Variants in CSMD1 observed in about 807,000 individuals in gnomAD.
The protein encoded by CSMD1 is CUB and Sushi multiple domains 1, also known as CUB and sushi domain-containing protein 1.
In CSMD1, 213 loss-of-function variants were observed where a neutral mutation model predicts 417.5. The ratio of observed to expected loss-of-function variants is 0.51; its 90% CI spans 0.46 to 0.57. CSMD1 has a LOEUF of 0.57. Ranked by LOEUF, CSMD1 falls within the 20% of genes least tolerant of loss-of-function variation. CSMD1 has a pLI of 0.00. For missense variants in CSMD1, 6,923 were observed against 4,529.7 expected, an observed-to-expected ratio of 1.53 and a Z score of -15.17; for synonymous variants, 2,862 against 1,736.8, an observed-to-expected ratio of 1.65 and a Z score of -16.11.
chr8:3,587,238 T>A (rs1351899469), intron 8 of CSMD1, among the ~76,000 whole-genome samples: 1 of 152,224 alleles, frequency 6.6e-6, no homozygotes, highest in Admixed American at 6.5e-5. Context: ...ACTGGACAGC[T>A]GCATTCAAAA....
At chr8:3,147,591 T>C (rs907693164) in intron 40 of CSMD1, among the ~76,000 whole-genome samples, 5 of 152,320 alleles carry the variant, frequency 3.3e-5, no homozygotes, top group Admixed American at 6.5e-5. Flanking sequence ...ACAACCGCCA[T>C]TGAGGCTTCC....
chr8:3,990,756 C>T (rs1333019306), intron 5 of CSMD1, among the ~76,000 whole-genome samples: 1 of 152,140 alleles, frequency 6.6e-6, no homozygotes, highest in East Asian at 1.9e-4. Context: ...GCAGGGGCAC[C>T]TGCTGGTGAG....
At position 4,707,628 on chromosome 8, in the gene CSMD1, T is replaced by G. The variant is rs573582006; in HGVS notation, c.86-70070A>C. ...AGAGCCAGCCATGATGGCTCACTCC[T>G]GTAATCCCAGCACTTTGGGAGGCCG... On this transcript the variant is annotated intron_variant, in intron 1 of 69. Transcript: ENST00000635120. Among the ~76,000 whole-genome samples, 359 of 152,146 alleles carry G rather than the reference T, an allele frequency of 2.4e-3. 2 individuals are homozygous for G. Among genetic ancestry groups the G allele is most frequent in the African/African-American group, 7.8e-3 (322 of 41,514 alleles).
chr8:4,443,412 C>A (rs974397591), intron 2 of CSMD1, among the ~76,000 whole-genome samples: 1 of 152,146 alleles, frequency 6.6e-6, no homozygotes, highest in Non-Finnish European at 1.5e-5. Context: ...AAGAAAATTG[C>A]AACAATCTTT....
At chr8:4,195,977 C>T (rs955371898) in intron 3 of CSMD1, among the ~76,000 whole-genome samples, 12 of 151,898 alleles carry the variant, frequency 7.9e-5, no homozygotes, top group African/African-American at 2.9e-4. Context: ...TTTGGGGCAC[C>T]GAGGTGAGCG....
rs565922434 is a variant in CSMD1 at position 3,871,139 on chromosome 8, T to C, written c.819-117097A>G. ...AATATTTTCAATTTTTTAAAACAAG[T>C]AATACCTCACTCATCATACTTTTAT... On this transcript the variant is annotated intron_variant, in intron 5 of 69. Coordinates refer to ENST00000635120, the MANE Select transcript of CSMD1 (RefSeq NM_033225.6). 3.3e-5 allele frequency among the ~76,000 whole-genome samples: 5 copies of C among 152,230 alleles called. No homozygotes were observed. The East Asian group carries it at 9.6e-4, about 29-fold the overall frequency.
intron 3 of CSMD1, among the ~76,000 whole-genome samples, chr8:4,377,305 C>T (rs1478830961): frequency 6.6e-6 from 1 of 152,110 alleles, no homozygotes; most frequent in African/African-American, 2.4e-5. Flanking sequence ...GGAGAAGTCA[C>T]CACAGCCCAA....
chr8:4,597,327 A>T (rs1343024365), intron 2 of CSMD1, among the ~76,000 whole-genome samples: 3 of 152,170 alleles, frequency 2.0e-5, no homozygotes, highest in Admixed American at 2.0e-4. Flanking sequence ...AACCCTTTCA[A>T]ATAAGCAGGA....
chr8:4,922,978 T>G (rs1585335976), intron 1 of CSMD1, among the ~76,000 whole-genome samples: 1 of 152,312 alleles, frequency 6.6e-6, no homozygotes, highest in South Asian at 2.1e-4. Flanking sequence ...AATACTCACA[T>G]TAATGTGAAC....
At chr8:4,139,535 C>G (rs1280467492) in intron 3 of CSMD1, among the ~76,000 whole-genome samples, 1 of 150,978 alleles carries the variant, frequency 6.6e-6, no homozygotes, top group Non-Finnish European at 1.5e-5. Context: ...GGGAGTGGCA[C>G]TCATCCTGCA....
chr8:3,675,238 G>C (rs892289081), intron 7 of CSMD1, among the ~76,000 whole-genome samples: 1 of 152,060 alleles, frequency 6.6e-6, no homozygotes, highest in African/African-American at 2.4e-5. Flanking sequence ...GCACCTGTTG[G>C]TCTTCATTGA....
chr8:3,764,622 C>T (rs1169228605), intron 5 of CSMD1, among the ~76,000 whole-genome samples: 1 of 152,032 alleles, frequency 6.6e-6, no homozygotes, highest in African/African-American at 2.4e-5. Flanking sequence ...ATGTGATATC[C>T]ACATTGTGAC....
chr8:3,173,709 G>C (rs946231533), intron 37 of CSMD1, among the ~76,000 whole-genome samples: 2 of 152,078 alleles, frequency 1.3e-5, no homozygotes, highest in African/African-American at 4.8e-5. Context: ...AAACACACTC[G>C]CTATATTGGA....
chr8:4,622,026 CA>C (rs1801808252), intron 2 of CSMD1, among the ~76,000 whole-genome samples: 1 of 152,078 alleles, frequency 6.6e-6, no homozygotes, highest in South Asian at 2.1e-4. Flanking sequence ...GAAACTTTCT[CA>C]AGCAGATAAA....
intron 1 of CSMD1, among the ~76,000 whole-genome samples, chr8:4,959,351 G>A (rs991498277): frequency 3.2e-4 from 49 of 152,270 alleles, no homozygotes; most frequent in African/African-American, 1.1e-3. Context: ...GGTGTTCCCC[G>A]CATGTCAGGT....
chr8:4,876,716 T>G (rs1312154647), intron 1 of CSMD1, among the ~76,000 whole-genome samples: 1 of 152,072 alleles, frequency 6.6e-6, no homozygotes, highest in Non-Finnish European at 1.5e-5. Flanking sequence ...TCTAAGACAA[T>G]ATCATGACCT....
intron 10 of CSMD1, among the ~76,000 whole-genome samples, chr8:3,529,744 G>A (rs1050845646): frequency 3.9e-5 from 6 of 152,128 alleles, no homozygotes; most frequent in Non-Finnish European, 8.8e-5. Context: ...ACAGGAAACG[G>A]AATTTAGCCA....
chr8:3,891,201 A>G (rs1806947704), intron 5 of CSMD1, among the ~76,000 whole-genome samples: 1 of 151,988 alleles, frequency 6.6e-6, no homozygotes, highest in South Asian at 2.1e-4. Context: ...ATGTGCCATC[A>G]TGCCTGGCTA....
intron 8 of CSMD1, among the ~76,000 whole-genome samples, chr8:3,590,047 G>T (rs1031935090): frequency 2.0e-5 from 3 of 151,920 alleles, no homozygotes; most frequent in Admixed American, 6.6e-5. Flanking sequence ...TTGAAAGAAT[G>T]CAACATCGCT....
Sources: gnomAD v4.1 joint callset for allele counts (sites outside exome capture counted in the v4.1 genomes callset) on GRCh38, gnomAD v4.1.1 for gene constraint, MANE v1.5 for transcripts, NCBI Gene and HGNC (gene_info 2026-07-23, HGNC 2026-07-21) for gene names.